ARSB: variants seen among roughly 807,000 people sequenced by gnomAD.
ARSB encodes the protein N-acetylgalactosamine-4-sulfatase.
A neutral mutation model predicts 50.9 loss-of-function variants in ARSB; 41 were observed. The observed-to-expected ratio is 0.81, with a 90% CI of 0.63 to 1.04. The LOEUF is 1.04. Among genes scored for constraint, ARSB ranks in the 50% least tolerant of loss-of-function variants. ARSB has a pLI of 0.00. For missense variants in ARSB, 672 were observed against 693.3 expected, an observed-to-expected ratio of 0.97 and a Z score of 0.35; for synonymous variants, 269 against 284.8, an observed-to-expected ratio of 0.94 and a Z score of 0.56.
At chr5:78,831,679 A>C (rs1320802869) in intron 6 of ARSB, among the ~76,000 whole-genome samples, 3 of 152,174 alleles carry the variant, frequency 2.0e-5, no homozygotes, top group East Asian at 3.9e-4. Context: ...AACAGCATGC[A>C]TGACCTGGTG....
At chr5:78,812,592 AACACACACACACACACAC>A (rs66597603) in intron 6 of ARSB, among the ~76,000 whole-genome samples, 53 of 144,262 alleles carry the variant, frequency 3.7e-4, no homozygotes, top group Admixed American at 1.3e-3. Flanking sequence ...ATTCTGTTCA[AACACACACACACACACAC>A]ACACACACAC....
At position 78,779,865 on chromosome 5, in the gene ARSB, C is replaced by T. The variant is rs1452516611; in HGVS notation, c.*532G>A. The T allele has an allele frequency of 6.0e-6, 1 of 167,396 alleles. No individual in the cohort carries two copies. The highest frequency in any genetic ancestry group is 1.7e-4 in the East Asian group (1 of 5,996). 10.4% of individuals were successfully genotyped at this position (167,396 alleles called of 1,614,324 possible). ...CCTGAACAACAAAATGGGCCTTATG[C>T]TCTGTGATGAGATAAGTGAGTAAGG... On this transcript the variant is annotated 3_prime_UTR_variant, in exon 8 of 8. Coordinates refer to ENST00000264914, the MANE Select transcript of ARSB (RefSeq NM_000046.5).
At chr5:78,938,432 G>T (rs1750735460) in intron 4 of ARSB, among the ~76,000 whole-genome samples, 1 of 152,194 alleles carries the variant, frequency 6.6e-6, no homozygotes. Flanking sequence ...GGCATGGGTT[G>T]TAATTTTCCT....
At chr5:78,846,758 T>C (rs11750483) in intron 5 of ARSB, among the ~76,000 whole-genome samples, 19,030 of 152,208 alleles carry the variant, frequency 0.13, 1,403 homozygotes, top group Middle Eastern at 0.21. Context: ...TATTGCCTGA[T>C]TGCTCTGGCT....
rs541726412 is a variant in ARSB, at chr5:78,909,711, C to T, written c.899-23884G>A. Among the ~76,000 whole-genome samples the T allele has an allele frequency of 3.9e-5, 6 of 152,306 alleles. No homozygotes were observed. The South Asian group carries it at 1.2e-3, about 32-fold the overall frequency. On this transcript the variant is annotated intron_variant, in intron 4 of 7. Transcript: ENST00000264914. Reference sequence around the variant, plus strand: ...GAAAACTGGGTATTATCCAAGGTTTCTCCCCATGTGATAGTCTGAAATATG... The same window carrying T: ...GAAAACTGGGTATTATCCAAGGTTTTTCCCCATGTGATAGTCTGAAATATG...
intron 4 of ARSB, among the ~76,000 whole-genome samples, chr5:78,908,494 A>T (rs1303527323): frequency 6.6e-6 from 1 of 152,190 alleles, no homozygotes; most frequent in African/African-American, 2.4e-5. Context: ...GCAGCCTGGC[A>T]GACAGCTGTC....
At chr5:78,796,396 AGGAGATT>A (rs1365256488) in intron 6 of ARSB, among the ~76,000 whole-genome samples, 2 of 152,268 alleles carry the variant, frequency 1.3e-5, no homozygotes, top group African/African-American at 4.8e-5. Flanking sequence ...ACAAAGTGCT[AGGAGATT>A]CCAAAAGACA....
chr5:78,855,451 A>G (rs1417060582), intron 5 of ARSB, among the ~76,000 whole-genome samples: 1 of 152,156 alleles, frequency 6.6e-6, no homozygotes, highest in African/African-American at 2.4e-5. Flanking sequence ...TTGGCCCCAC[A>G]GGGGAGCACA....
At chr5:78,982,531 C>G (rs995494641) in intron 1 of ARSB, among the ~76,000 whole-genome samples, 1 of 152,156 alleles carries the variant, frequency 6.6e-6, no homozygotes, top group Non-Finnish European at 1.5e-5. Context: ...TAGGCATCAA[C>G]CCTAGGGCCA....
At chr5:78,871,913 C>T (rs1356789347) in intron 5 of ARSB, among the ~76,000 whole-genome samples, 6 of 149,424 alleles carry the variant, frequency 4.0e-5, no homozygotes, top group African/African-American at 1.5e-4. Flanking sequence ...TCGCAACCTA[C>T]TCATCTGACA....
intron 6 of ARSB, among the ~76,000 whole-genome samples, chr5:78,804,491 C>T (rs757979671): frequency 3.9e-5 from 6 of 152,134 alleles, no homozygotes; most frequent in Non-Finnish European, 5.9e-5. Context: ...ATGGAAACCA[C>T]TGTACAATTC....
Position 78,780,643 on chromosome 5 carries a change from A to G in ARSB, c.1356T>C (p.Pro452=). Residue 452 remains proline, a synonymous_variant, in exon 8 of 8, where the codon CCT becomes CCC. Coordinates refer to ENST00000264914, the MANE Select transcript of ARSB (RefSeq NM_000046.5). The part of the protein sequence containing the change: ...TGYPGCGYWF[P]PPSQYNVSEI... ...CAGAAACATTGTATTGAGACGGTGGAGGGAACCAGTAACCACAGCCTAGCA... is the reference window on the plus strand; with the variant it reads ...CAGAAACATTGTATTGAGACGGTGGGGGGAACCAGTAACCACAGCCTAGCA... 5 of 1,614,132 alleles carry G rather than the reference A, an allele frequency of 3.1e-6. No homozygotes were observed. Among genetic ancestry groups the G allele is most frequent in the Non-Finnish European group, 3.4e-6 (4 of 1,180,008 alleles).
chr5:78,984,793 GC>G, intron 1 of ARSB, 143 bp downstream of exon 1: 1 of 577,842 alleles, frequency 1.7e-6, no homozygotes, highest in Non-Finnish European at 2.4e-6. Flanking sequence ...CGAGGTTGGG[GC>G]GAGAAGCCGC....
Position 78,821,013 on chromosome 5 carries a change from C to G in ARSB, c.1213+18343G>C, listed in dbSNP as rs145893068. ...AAAAAGTATTGTACACACCACTGCT[C>G]CATAAATCCATATTGTATACATAAG... On this transcript the variant is annotated intron_variant, in intron 6 of 7. Transcript: ENST00000264914. Among the ~76,000 whole-genome samples the G allele has an allele frequency of 2.7e-3, 407 of 151,664 alleles. 3 individuals are homozygous for G. Among genetic ancestry groups the G allele is most frequent in the African/African-American group, 9.2e-3 (380 of 41,336 alleles).
At chr5:78,844,147 G>A (rs1040256545) in intron 5 of ARSB, among the ~76,000 whole-genome samples, 5 of 152,034 alleles carry the variant, frequency 3.3e-5, no homozygotes, top group East Asian at 1.9e-4. Flanking sequence ...AAGCAGCTAC[G>A]CCATTTCACA....
intron 4 of ARSB, among the ~76,000 whole-genome samples, chr5:78,928,072 C>T (rs542006378): frequency 1.2e-3 from 190 of 152,184 alleles, no homozygotes; most frequent in Non-Finnish European, 1.8e-3. Flanking sequence ...GCACATCCTT[C>T]GGGGAGTCAC....
At chr5:78,961,921 A>T (rs1250075110) in intron 3 of ARSB, among the ~76,000 whole-genome samples, 1 of 152,112 alleles carries the variant, frequency 6.6e-6, no homozygotes, top group South Asian at 2.1e-4. Context: ...CCCACCTCAG[A>T]CCAATGAATC....
At chr5:78,843,514 G>A (rs1308905220) in intron 5 of ARSB, among the ~76,000 whole-genome samples, 4 of 152,120 alleles carry the variant, frequency 2.6e-5, no homozygotes, top group Non-Finnish European at 5.9e-5. Flanking sequence ...TTCAGCCTGG[G>A]CATAAAGATT....
chr5:78,939,558 T>C (rs116139283), intron 4 of ARSB, among the ~76,000 whole-genome samples: 8 of 152,092 alleles, frequency 5.3e-5, no homozygotes, highest in Non-Finnish European at 1.0e-4. Context: ...TTGCGATAGA[T>C]TGCTGAAAAT....
Sources: allele counts gnomAD v4.1 joint callset (sites outside exome capture counted in the v4.1 genomes callset), GRCh38; gene constraint gnomAD v4.1.1; transcripts MANE v1.5; gene names NCBI Gene and HGNC (gene_info 2026-07-23, HGNC 2026-07-21).